CCDC88C: variants seen among roughly 807,000 people sequenced by gnomAD.
CCDC88C encodes the protein protein Daple.
CCDC88C carries 131 observed loss-of-function variants against 198.8 expected under a neutral mutation model. The observed-to-expected ratio is 0.66, with a 90% CI of 0.57 to 0.76. The LOEUF (loss-of-function observed/expected upper bound fraction) is 0.76, where lower values mean the gene tolerates loss of function less well. Among genes scored for constraint, CCDC88C ranks in the 30% least tolerant of loss-of-function variants. CCDC88C has a pLI of 0.00. For missense variants in CCDC88C, 2,553 were observed against 2,631.6 expected (o/e 0.97, Z 0.65); for synonymous variants, 1,166 against 1,114.7 (o/e 1.05, Z -0.92).
chr14:91,281,223 T>A lies in CCDC88C; in HGVS notation c.4699+234A>T, dbSNP rs753277015. The A allele has an allele frequency of 1.2e-4, 130 of 1,083,728 alleles. 1 individual carries two copies. Among genetic ancestry groups the A allele is most frequent in the Non-Finnish European group, 1.7e-4 (127 of 759,002 alleles). The allele number at this position is 1,083,728 out of a possible 1,614,324, so 67.1% of individuals were successfully genotyped here. On this transcript the variant is annotated intron_variant, in intron 27 of 29. Coordinates refer to ENST00000389857, the MANE Select transcript of CCDC88C (RefSeq NM_001080414.4). Reference sequence around the variant, plus strand: ...TGCTTGAAGGCATGAAGAGGAGAGGTCGGTGCTTCCAGAACTGTGATGCTT... The same window carrying A: ...TGCTTGAAGGCATGAAGAGGAGAGGACGGTGCTTCCAGAACTGTGATGCTT...
chr14:91,276,839 C>T (rs555602556), intron 29 of CCDC88C, among the ~76,000 whole-genome samples: 16 of 152,320 alleles, frequency 1.1e-4, no homozygotes, highest in Non-Finnish European at 2.2e-4. Flanking sequence ...AAAAGCTAAA[C>T]GAAGACCTAC....
chr14:91,297,713 C>T (rs1296746035), intron 21 of CCDC88C, among the ~76,000 whole-genome samples: 1 of 152,078 alleles, frequency 6.6e-6, no homozygotes, highest in Non-Finnish European at 1.5e-5. Context: ...CATGAGGGTA[C>T]CCCTGATGCC....
At chr14:91,275,886 A>G (rs1174781445) in intron 29 of CCDC88C, among the ~76,000 whole-genome samples, 1 of 128,606 alleles carries the variant, frequency 7.8e-6, no homozygotes, top group East Asian at 2.4e-4. Context: ...CAGTGGCGCG[A>G]TCTCGACTCA....
At chr14:91,303,669 TC>T in intron 20 of CCDC88C, 31 bp downstream of exon 20, 1 of 1,351,230 alleles carries the variant, frequency 7.4e-7, no homozygotes, top group Non-Finnish European at 9.8e-7. Context: ...ACTCTACCCC[TC>T]CCCAGATCCC....
intron 27 of CCDC88C, among the ~76,000 whole-genome samples, chr14:91,280,267 A>C (rs949987886): frequency 6.6e-6 from 1 of 152,188 alleles, no homozygotes; most frequent in Admixed American, 6.5e-5. Flanking sequence ...TCCTCTGCTC[A>C]CTGTGCCACC....
chr14:91,386,304 AC>A (rs780193141), intron 3 of CCDC88C, among the ~76,000 whole-genome samples: 26 of 149,396 alleles, frequency 1.7e-4, no homozygotes, highest in African/African-American at 5.2e-4. Context: ...AAAAAAAAAA[AC>A]AAAAACCTAG....
At chr14:91,384,455 T>C in intron 3 of CCDC88C, 9 of 525,368 alleles carry the variant, frequency 1.7e-5, no homozygotes, top group South Asian at 1.1e-4. Flanking sequence ...TTTTGATCCT[T>C]CTTTGGGTCA....
intron 3 of CCDC88C, among the ~76,000 whole-genome samples, chr14:91,395,655 A>G (rs1381599213): frequency 1.3e-5 from 2 of 152,050 alleles, no homozygotes; most frequent in African/African-American, 4.8e-5. Flanking sequence ...CCCCCAGCCG[A>G]GAAGGCAAAC....
intron 3 of CCDC88C, among the ~76,000 whole-genome samples, chr14:91,390,583 T>C (rs1388667391): frequency 1.3e-5 from 2 of 152,172 alleles, no homozygotes; most frequent in Non-Finnish European, 2.9e-5. Context: ...TCCAAGTCAG[T>C]GTTGTGGGTC....
At chr14:91,321,333 T>C (rs1398127036) in intron 12 of CCDC88C, 29 bp from the exon 13 acceptor site, 4 of 1,546,922 alleles carry the variant, frequency 2.6e-6, no homozygotes, top group Non-Finnish European at 3.5e-6. Flanking sequence ...CAGAGCCCAG[T>C]GGTCTGTGGG....
rs563481637 is a variant in CCDC88C, at chr14:91,417,654, G to A, written c.37C>T (p.Leu13=). ...ACCCAGGTCACCAGCGGGCTCTGCA[G>A]GAAGAGCTCCAGGAGCTCCGAGACT... ...VTVSELLELF[L]QSPLVTWVKT... is the part of the protein sequence containing the mutation. The change falls in exon 1 of 30, where the codon CTG becomes TTG. Residue 13 remains leucine (L), a synonymous_variant. Coordinates refer to ENST00000389857, the MANE Select transcript of CCDC88C (RefSeq NM_001080414.4). 2.7e-5 allele frequency: 43 copies of A among 1,590,112 alleles called. No homozygotes were observed. The East Asian group carries it at 5.4e-4, about 20-fold the overall frequency.
chr14:91,402,384 G>A (rs913196636), intron 3 of CCDC88C, among the ~76,000 whole-genome samples: 8 of 152,228 alleles, frequency 5.3e-5, no homozygotes, highest in African/African-American at 1.9e-4. Context: ...AACAGAGCAT[G>A]CTTATCTAAT....
At chr14:91,409,863 G>A (rs1361542495) in intron 2 of CCDC88C, among the ~76,000 whole-genome samples, 4 of 152,148 alleles carry the variant, frequency 2.6e-5, no homozygotes, top group Admixed American at 1.3e-4. Context: ...TCTGTCATGC[G>A]AATTGGTCTT....
chr14:91,411,097 C>T (rs1394900379), intron 2 of CCDC88C, among the ~76,000 whole-genome samples: 5 of 152,146 alleles, frequency 3.3e-5, no homozygotes, highest in South Asian at 2.1e-4. Flanking sequence ...AGCTACTTAC[C>T]GTGATTATTA....
At chr14:91,403,165 G>C (rs2140004613) in intron 3 of CCDC88C, among the ~76,000 whole-genome samples, 1 of 152,284 alleles carries the variant, frequency 6.6e-6, no homozygotes, top group Admixed American at 6.5e-5. Context: ...CTCTGCACCT[G>C]GCGAGGAGAG....
rs907335654 is a variant in CCDC88C, at chr14:91,343,619, C to G, written c.379G>C (p.Val127Leu). ...CCTACCTGGACAGCACAGCCCAGCA[C>G]CAGCAGCAGCACCTTCTTGATTTCC... ...MEEIKKVLLL[V>L]LGCAVQCERK... The change falls in exon 5 of 30, where the codon GTG becomes CTG. Residue 127 changes from valine (V) to leucine (L), a missense_variant. This residue lies in a region of CCDC88C where 1,260 missense variants were observed against 1,412.0 expected (regional missense o/e 0.89). Transcript: ENST00000389857. The G allele has an allele frequency of 2.5e-6, 4 of 1,613,700 alleles. No individual in the cohort carries two copies. In the African/African-American group the frequency reaches 4.0e-5, roughly 16 times the overall value.
At chr14:91,280,892 T>G (rs767368837) in intron 27 of CCDC88C, among the ~76,000 whole-genome samples, 1 of 152,184 alleles carries the variant, frequency 6.6e-6, no homozygotes, top group Non-Finnish European at 1.5e-5. Context: ...ACAAGTAAAC[T>G]GAAATCGATG....
At chr14:91,283,609 G>A in intron 25 of CCDC88C, 92 bp from the exon 26 acceptor site, 2 of 1,239,440 alleles carry the variant, frequency 1.6e-6, no homozygotes, top group Non-Finnish European at 1.1e-6. Flanking sequence ...GGGCAGCAGG[G>A]CATGAGGACC....
At chr14:91,315,600 G>C in intron 14 of CCDC88C, 50 bp downstream of exon 14, 1 of 1,606,388 alleles carries the variant, frequency 6.2e-7, no homozygotes, top group Non-Finnish European at 8.5e-7. Flanking sequence ...CCGGCTCTCC[G>C]TCTTGCAGGC....
Sources: allele counts gnomAD v4.1 joint callset (sites outside exome capture counted in the v4.1 genomes callset), GRCh38; gene constraint gnomAD v4.1.1; regional missense constraint gnomAD v4.1.1; transcripts MANE v1.5; gene names NCBI Gene and HGNC (gene_info 2026-07-23, HGNC 2026-07-21).